RFX7: variants seen among roughly 807,000 people sequenced by gnomAD.
RFX7 encodes DNA-binding protein RFX7.
A neutral mutation model predicts 111.8 loss-of-function variants in RFX7; 26 were observed. The observed-to-expected ratio is 0.23, with a 90% CI of 0.17 to 0.32. The LOEUF (loss-of-function observed/expected upper bound fraction) is 0.32, where lower values mean the gene tolerates loss of function less well. Among genes scored for constraint, RFX7 ranks in the 10% least tolerant of loss-of-function variants. The probability of loss-of-function intolerance (pLI) is 1.00; values close to 1 mark genes in which losing one functional copy is unlikely to be tolerated. For missense variants in RFX7, 1,573 were observed against 1,772.9 expected (o/e 0.89, Z 2.02); for synonymous variants, 624 against 624.4 (o/e 1.00, Z 0.01).
In RFX7 at chr15:56,088,762, G is replaced by A. The variant is rs2041560177; in HGVS notation, c.*4583C>T. The A allele has an allele frequency of 6.6e-6, 1 of 152,148 alleles. No individual in the cohort carries two copies. The highest frequency in any genetic ancestry group is 2.1e-4 in the South Asian group (1 of 4,828). 9.4% of individuals were successfully genotyped at this position (152,148 alleles called of 1,614,324 possible). On this transcript the variant is annotated 3_prime_UTR_variant, in exon 10 of 10. Transcript: ENST00000559447. ...AGGAGCTGAGGCAACTTGCATTTGT[G>A]ATACTCAATAATACCTGATTTTTCA...
At chr15:56,148,515 G>A (rs937459465) in intron 3 of RFX7, among the ~76,000 whole-genome samples, 2 of 152,198 alleles carry the variant, frequency 1.3e-5, no homozygotes, top group African/African-American at 2.4e-5. Flanking sequence ...TGCTTTTGGA[G>A]GTTGAAGGTG....
chr15:56,125,681 T>C (rs2042135467), intron 5 of RFX7, among the ~76,000 whole-genome samples: 1 of 151,804 alleles, frequency 6.6e-6, no homozygotes, highest in South Asian at 2.1e-4. Flanking sequence ...CTTTCTTGAT[T>C]GCTTTTTTCA....
chr15:56,108,474 G>C (rs1784592730), intron 5 of RFX7, among the ~76,000 whole-genome samples: 1 of 152,146 alleles, frequency 6.6e-6, no homozygotes, highest in African/African-American at 2.4e-5. Context: ...AATAAATGCA[G>C]AAAAGGCCTT....
intron 9 of RFX7, among the ~76,000 whole-genome samples, chr15:56,097,747 A>AAAAAAAAAAAAAAG (rs1491155837): frequency 3.4e-5 from 1 of 29,558 alleles, no homozygotes; most frequent in East Asian, 4.1e-4. Context: ...ACTCTGTCTC[A>AAAAAAAAAAAAAAG]AAAAAAAAAA....
rs2041550551 is a variant in RFX7 at position 56,088,175 on chromosome 15, A to G, written c.*5170T>C. 1 of 198,596 alleles carries G rather than the reference A, an allele frequency of 5.0e-6. No homozygotes were observed. Among genetic ancestry groups the G allele is most frequent in the Non-Finnish European group, 1.1e-5 (1 of 95,216 alleles). The allele number at this position is 198,596 out of a possible 1,614,324, so 12.3% of individuals were successfully genotyped here. The stretch of plus-strand genomic sequence containing the variant: ...AAAACCAGAATGAAAATTTCAAAGA[A>G]GCAACCAGATCATACAACTGCAGTA... On this transcript the variant is annotated 3_prime_UTR_variant, in exon 10 of 10. Transcript: ENST00000559447.
In RFX7 at chr15:56,096,226, G is replaced by T. The variant is rs1265030229; in HGVS notation, c.1502C>A (p.Thr501Lys). Residue 501 changes from threonine (T) to lysine (K), a missense_variant, in exon 10 of 10, where the codon ACA (threonine) becomes AAA (lysine). By Grantham distance (78) the Thr-to-Lys change is moderately conservative (BLOSUM62 -1). Transcript: ENST00000559447. ...HSASVSSATG[T>K]TEESRSVPQI... ...TGGAACACTCCTTGATTCTTCTGTT[G>T]TTCCTGTAGCACTGCTGACTGAGGC... 1 of 1,613,830 alleles carries T rather than the reference G, an allele frequency of 6.2e-7. No homozygotes were observed. Among genetic ancestry groups the T allele is most frequent in the African/African-American group, 1.3e-5 (1 of 74,922 alleles).
At chr15:56,240,802 A>T (rs1468775714) in intron 2 of RFX7, among the ~76,000 whole-genome samples, 1 of 152,180 alleles carries the variant, frequency 6.6e-6, no homozygotes, top group Admixed American at 6.5e-5. Flanking sequence ...TTTGTAAAAT[A>T]ATATTATTGT....
chr15:56,159,553 A>G lies in RFX7; in HGVS notation c.196-15070T>C, dbSNP rs186422382. ...TTGAAGTTAGTAAATATTTCTGACA[A>G]CAGCTGTGCTACTAGAGAGAAAGAA... is the stretch of plus-strand genomic sequence containing the variant. On this transcript the variant is annotated intron_variant, in intron 3 of 9. Transcript: ENST00000559447. 5.7e-3 allele frequency among the ~76,000 whole-genome samples: 873 copies of G among 152,360 alleles called. 6 individuals are homozygous for G. The highest frequency in any genetic ancestry group is 8.6e-3 in the Non-Finnish European group (587 of 68,038).
intron 5 of RFX7, among the ~76,000 whole-genome samples, chr15:56,140,176 T>C (rs1380622483): frequency 6.6e-6 from 1 of 152,218 alleles, no homozygotes; most frequent in Non-Finnish European, 1.5e-5. Context: ...TTTGTTTACC[T>C]AATCAAGCCT....
intron 5 of RFX7, among the ~76,000 whole-genome samples, chr15:56,115,439 A>C (rs2041998017): frequency 1.3e-5 from 2 of 152,166 alleles, no homozygotes; most frequent in Non-Finnish European, 1.5e-5. Flanking sequence ...TGTGTGGTGG[A>C]AGGGGAAACT....
At chr15:56,109,531 T>G (rs2041881087) in intron 5 of RFX7, among the ~76,000 whole-genome samples, 1 of 151,748 alleles carries the variant, frequency 6.6e-6, no homozygotes, top group Non-Finnish European at 1.5e-5. Flanking sequence ...GAGGAGCCCC[T>G]CTGCCTGGCT....
chr15:56,212,059 C>T (rs532631740), intron 2 of RFX7, among the ~76,000 whole-genome samples: 1 of 152,148 alleles, frequency 6.6e-6, no homozygotes, highest in Admixed American at 6.5e-5. Context: ...AACTGGTACA[C>T]GTTTTTAGTA....
intron 5 of RFX7, among the ~76,000 whole-genome samples, chr15:56,114,545 T>C (rs538095861): frequency 2.0e-5 from 3 of 150,358 alleles, no homozygotes; most frequent in East Asian, 1.9e-4. Context: ...TGAACAATGA[T>C]AGTAGTACTA....
chr15:56,221,094 T>A (rs1261022963), intron 2 of RFX7, among the ~76,000 whole-genome samples: 2 of 152,222 alleles, frequency 1.3e-5, no homozygotes, highest in African/African-American at 2.4e-5. Context: ...TATTACATAA[T>A]AGTTTGAAGT....
intron 3 of RFX7, among the ~76,000 whole-genome samples, chr15:56,174,642 GA>G (rs1471843983): frequency 6.6e-6 from 1 of 152,106 alleles, no homozygotes; most frequent in Non-Finnish European, 1.5e-5. Context: ...AGCTACTCGG[GA>G]GGCTGAGGAA....
intron 2 of RFX7, among the ~76,000 whole-genome samples, chr15:56,206,747 G>GAA (rs76341505): frequency 1.4e-5 from 2 of 144,736 alleles, no homozygotes; most frequent in Non-Finnish European, 3.0e-5. Context: ...GCCATGTACA[G>GAA]AAAAAAAAAA....
intron 5 of RFX7, among the ~76,000 whole-genome samples, chr15:56,138,494 T>C (rs2042339438): frequency 6.7e-6 from 1 of 149,550 alleles, no homozygotes; most frequent in South Asian, 2.2e-4. Context: ...CCTTTTATTT[T>C]GAGCCTATGT....
At chr15:56,109,150 A>G (rs1213015452) in intron 5 of RFX7, among the ~76,000 whole-genome samples, 1 of 152,050 alleles carries the variant, frequency 6.6e-6, no homozygotes, top group Non-Finnish European at 1.5e-5. Context: ...TCCCTGCCTG[A>G]TTCTCCTGCC....
intron 3 of RFX7, among the ~76,000 whole-genome samples, chr15:56,178,418 T>C (rs989404024): frequency 6.6e-6 from 1 of 152,054 alleles, no homozygotes; most frequent in Non-Finnish European, 1.5e-5. Flanking sequence ...CACCAGACAC[T>C]GTAACAGACC....
Sources: gnomAD v4.1 joint callset for allele counts (sites outside exome capture counted in the v4.1 genomes callset) on GRCh38, gnomAD v4.1.1 for gene constraint, MANE v1.5 for transcripts, NCBI Gene and HGNC (gene_info 2026-07-23, HGNC 2026-07-21) for gene names.